Variants in VIPR2 observed in about 807,000 individuals in gnomAD.
VIPR2 encodes the protein vasoactive intestinal polypeptide receptor 2.
A neutral mutation model predicts 58.0 loss-of-function variants in VIPR2; 48 were observed. The ratio of observed to expected loss-of-function variants is 0.83; its 90% confidence interval spans 0.66 to 1.05. VIPR2 has a LOEUF of 1.05. VIPR2 is among the 50% of genes least tolerant of loss of function. The pLI, the probability that VIPR2 is intolerant of heterozygous loss-of-function variation, is 0.00. For missense variants in VIPR2, 534 were observed against 558.0 expected (o/e 0.96, Z 0.43); for synonymous variants, 243 against 235.2 (o/e 1.03, Z -0.30).
In VIPR2 at chr7:159,144,737, C is replaced by T. The variant is rs1480188982; in HGVS notation, c.35G>A (p.Cys12Tyr). 1.8e-5 allele frequency: 23 copies of T among 1,309,062 alleles called. No individual in the cohort carries two copies. In the South Asian group the frequency reaches 5.3e-4, roughly 30 times the overall value. The allele number at this position is 1,309,062 out of a possible 1,614,324, so 81.1% of individuals were successfully genotyped here. A position where few individuals can be genotyped will look rare whatever the true frequency, so the allele number is the denominator to read the frequency against. ...RTLLPPALLT[C>Y]WLLAPVNSIH... ...CGCACTCACGGGGGCGAGCAGCCAG[C>T]AGGTCAGCAGCGCGGGAGGCAGCAG... Residue 12 changes from cysteine to tyrosine, a missense_variant, in exon 1 of 13, where the codon TGC becomes TAC. By Grantham distance (194) the Cys-to-Tyr change is radical. Transcript: ENST00000262178.
intron 4 of VIPR2, among the ~76,000 whole-genome samples, chr7:159,087,158 C>T (rs1475881494): frequency 6.6e-6 from 1 of 150,762 alleles, no homozygotes; most frequent in Admixed American, 6.6e-5. Flanking sequence ...ATATGGCTTC[C>T]CAACAAACAA....
intron 4 of VIPR2, chr7:159,059,212 G>T (rs1374661509): frequency 2.1e-6 from 1 of 470,716 alleles, no homozygotes; most frequent in Non-Finnish European, 4.4e-6. Context: ...TGACAACAGG[G>T]AATCCTACAC....
intron 2 of VIPR2, among the ~76,000 whole-genome samples, chr7:159,129,337 G>A (rs1333682428): frequency 7.2e-6 from 1 of 138,854 alleles, no homozygotes; most frequent in African/African-American, 2.9e-5. Flanking sequence ...CTGGACTCTG[G>A]TGGGGACAGG....
At chr7:159,045,209 C>T (rs2540349) in intron 5 of VIPR2, among the ~76,000 whole-genome samples, 111,231 of 152,086 alleles carry the variant, frequency 0.73, 41,355 homozygotes, top group Middle Eastern at 0.81. Context: ...TTGTGGAATT[C>T]CATCAAGTGC....
intron 4 of VIPR2, among the ~76,000 whole-genome samples, chr7:159,085,766 C>G (rs1314962848): frequency 6.6e-6 from 1 of 151,934 alleles, no homozygotes; most frequent in Non-Finnish European, 1.5e-5. Flanking sequence ...AAAAGGCCCA[C>G]ATGCTGCAGG....
chr7:159,078,408 C>T (rs1022494863), intron 4 of VIPR2, among the ~76,000 whole-genome samples: 3 of 151,974 alleles, frequency 2.0e-5, no homozygotes, highest in Admixed American at 2.0e-4. Context: ...CCATGTTTAT[C>T]TTGTCTTAGG....
chr7:159,120,051 C>T (rs1796398337), intron 2 of VIPR2, among the ~76,000 whole-genome samples: 1 of 152,158 alleles, frequency 6.6e-6, no homozygotes, highest in East Asian at 1.9e-4. Flanking sequence ...GAGCTTGTCC[C>T]TGGTGGCATC....
intron 4 of VIPR2, among the ~76,000 whole-genome samples, chr7:159,072,183 G>T (rs1856443289): frequency 6.7e-6 from 1 of 149,250 alleles, no homozygotes; most frequent in Non-Finnish European, 1.5e-5. Context: ...TCTAGGCCGG[G>T]AACCCTGCGG....
chr7:159,034,419 G>A lies in VIPR2; in HGVS notation c.880-115C>T, dbSNP rs559845611. 1.6e-4 allele frequency: 213 copies of A among 1,317,016 alleles called. No homozygotes were observed. In the African/African-American group the frequency reaches 2.8e-3, roughly 17 times the overall value. 81.6% of individuals were successfully genotyped at this position (1,317,016 alleles called of 1,614,324 possible). On this transcript the variant is annotated intron_variant, in intron 9 of 12. Transcript: ENST00000262178. The stretch of plus-strand genomic sequence containing the variant: ...CCTCAGTCCCTCCCTCCTTCCCTGG[G>A]AACTGCCTCTGGGGGTCCACATGCC...
At chr7:159,106,658 A>G (rs1317301744) in intron 3 of VIPR2, among the ~76,000 whole-genome samples, 1 of 94,408 alleles carries the variant, frequency 1.1e-5, no homozygotes, top group Non-Finnish European at 2.0e-5. Flanking sequence ...GAGAGAGGCC[A>G]GGGAGGGGCA....
intron 8 of VIPR2, among the ~76,000 whole-genome samples, chr7:159,035,116 A>G (rs1018078480): frequency 3.3e-5 from 5 of 152,234 alleles, no homozygotes; most frequent in African/African-American, 1.2e-4. Flanking sequence ...TGTCTCCAGC[A>G]GGAAGCTGTG....
At position 159,031,832 on chromosome 7, in the gene VIPR2, C is replaced by T. The variant is rs1162389246; in HGVS notation, c.1139G>A (p.Ser380Asn). The T allele has an allele frequency of 6.2e-7, 1 of 1,613,952 alleles. No homozygotes were observed. The highest frequency in any genetic ancestry group is 1.3e-5 in the African/African-American group (1 of 74,934). Residue 380 changes from serine to asparagine, a missense_variant, in exon 12 of 13, where the codon AGT (serine) becomes AAT (asparagine). Around this residue, in one of 3 missense-constraint regions of VIPR2, gnomAD observed 306 missense variants for 285.8 expected, o/e 1.07. Transcript: ENST00000262178. The surrounding 1 kb of genome is among the most constrained non-coding windows in gnomAD (Gnocchi z 4.0). ...CCAAGGCGGCCATGAACTTACCTCA[C>T]TGTTCAGGAAACAGTAGAGGACGGC... ...VVAVLYCFLN[S>N]EVQCELKRKW...
chr7:159,136,478 C>G (rs1797232354), intron 2 of VIPR2, among the ~76,000 whole-genome samples: 2 of 152,106 alleles, frequency 1.3e-5, no homozygotes, highest in South Asian at 4.1e-4. Context: ...CACCAAGAAT[C>G]TGACAGGTTG....
intron 4 of VIPR2, among the ~76,000 whole-genome samples, chr7:159,068,098 G>A (rs565252029): frequency 6.6e-6 from 1 of 152,344 alleles, no homozygotes; most frequent in East Asian, 1.9e-4. Context: ...GAGGCCAGTG[G>A]TGTGTTTACT....
chr7:159,112,373 G>A (rs1046208144), intron 2 of VIPR2, among the ~76,000 whole-genome samples: 6 of 152,236 alleles, frequency 3.9e-5, no homozygotes, highest in South Asian at 4.1e-4. Context: ...AGCCGGAAGC[G>A]CTGCCACAGT....
At chr7:159,038,847 A>G (rs1441887872) in intron 6 of VIPR2, among the ~76,000 whole-genome samples, 1 of 152,254 alleles carries the variant, frequency 6.6e-6, no homozygotes, top group East Asian at 1.9e-4. Context: ...AATACCATAA[A>G]AATACAATTG....
intron 3 of VIPR2, among the ~76,000 whole-genome samples, chr7:159,108,052 G>T (rs1011607573): frequency 6.6e-6 from 1 of 152,216 alleles, no homozygotes; most frequent in South Asian, 2.1e-4. Flanking sequence ...TGTGTTCTAT[G>T]ACCCAGCTCT....
At chr7:159,044,968 G>A (rs142451596) in intron 5 of VIPR2, among the ~76,000 whole-genome samples, 34 of 152,180 alleles carry the variant, frequency 2.2e-4, no homozygotes, top group African/African-American at 5.8e-4. Context: ...GTGGGGTTTC[G>A]CAACGTTGGC....
rs193043290 is a variant in VIPR2, at chr7:159,038,233, G to A, written c.598-1331C>T. On this transcript the variant is annotated intron_variant, in intron 6 of 12. Coordinates refer to ENST00000262178, the MANE Select transcript of VIPR2 (RefSeq NM_003382.5). The stretch of plus-strand genomic sequence containing the variant: ...CCGACCTCCCCTGAGCCCTGCAGGC[G>A]GCCCCGACCTCCCCAGTGCTCTGGA... Among the ~76,000 whole-genome samples, 6 of 151,888 alleles carry A rather than the reference G, an allele frequency of 4.0e-5. No individual in the cohort carries two copies. In the East Asian group the frequency reaches 5.9e-4, roughly 15 times the overall value.
Sources: gnomAD v4.1 joint callset for allele counts (sites outside exome capture counted in the v4.1 genomes callset) on GRCh38, gnomAD v4.1.1 for gene constraint, gnomAD v4.1.1 regional missense constraint, Gnocchi (gnomAD v3.1) non-coding constraint, MANE v1.5 for transcripts, NCBI Gene and HGNC (gene_info 2026-07-23, HGNC 2026-07-21) for gene names.